The following NRXN1 variants were observed in gnomAD, a reference collection of about 807,000 sequenced individuals.
The protein encoded by NRXN1 is neurexin 1.
NRXN1 carries 39 observed loss-of-function variants against 150.9 expected under a neutral mutation model. That is an observed-to-expected ratio of 0.26 (90% CI 0.20 to 0.34). The LOEUF (loss-of-function observed/expected upper bound fraction) is 0.34, where lower values mean the gene tolerates loss of function less well. Among genes scored for constraint, NRXN1 ranks in the 10% least tolerant of loss-of-function variants. The pLI, the probability that NRXN1 is intolerant of heterozygous loss-of-function variation, is 1.00. For missense variants in NRXN1, 1,815 were observed against 1,949.9 expected (o/e 0.93, Z 1.30); for synonymous variants, 924 against 757.0 (o/e 1.22, Z -3.62).
chr2:50,387,373 T>C (rs947181340), intron 17 of NRXN1, among the ~76,000 whole-genome samples: 8 of 152,154 alleles, frequency 5.3e-5, no homozygotes, highest in African/African-American at 1.9e-4. Context: ...AATCCATTTC[T>C]AGTTAATTGT....
intron 10 of NRXN1, among the ~76,000 whole-genome samples, chr2:50,531,943 T>C (rs567484163): frequency 4.6e-4 from 70 of 152,118 alleles, no homozygotes; most frequent in Non-Finnish European, 8.2e-4. Flanking sequence ...CCTCCTGAGC[T>C]CAAGCAATCT....
intron 5 of NRXN1, among the ~76,000 whole-genome samples, chr2:50,702,972 A>G (rs1693961611): frequency 6.6e-6 from 1 of 152,088 alleles, no homozygotes; most frequent in Non-Finnish European, 1.5e-5. Flanking sequence ...TATAAACAAG[A>G]GACAGAAGTT....
At chr2:50,034,231 T>C (rs1277214352) in intron 21 of NRXN1, among the ~76,000 whole-genome samples, 1 of 151,962 alleles carries the variant, frequency 6.6e-6, no homozygotes, top group African/African-American at 2.4e-5. Context: ...AGCAAAGACA[T>C]GGAATCAACC....
At chr2:50,251,243 C>T (rs1313345992) in intron 17 of NRXN1, among the ~76,000 whole-genome samples, 1 of 152,038 alleles carries the variant, frequency 6.6e-6, no homozygotes, top group Non-Finnish European at 1.5e-5. Flanking sequence ...CATGTGTTCT[C>T]ATTGTTCAGC....
At chr2:50,566,900 G>A (rs150510975) in intron 8 of NRXN1, among the ~76,000 whole-genome samples, 7 of 152,108 alleles carry the variant, frequency 4.6e-5, no homozygotes, top group African/African-American at 1.2e-4. Flanking sequence ...CATGCCTTTC[G>A]TGTATAGAAG....
At chr2:50,577,651 C>T (rs1671638259) in intron 8 of NRXN1, among the ~76,000 whole-genome samples, 1 of 151,724 alleles carries the variant, frequency 6.6e-6, no homozygotes, top group African/African-American at 2.4e-5. Context: ...CAACTTGGGA[C>T]ATATATAAAG....
chr2:50,183,614 A>G (rs1314303915), intron 18 of NRXN1, among the ~76,000 whole-genome samples: 1 of 149,928 alleles, frequency 6.7e-6, no homozygotes, highest in African/African-American at 2.5e-5. Context: ...GGTAATGTGG[A>G]CCCTCCATGG....
chr2:50,498,016 C>A lies in NRXN1; in HGVS notation c.2498-302G>T, dbSNP rs13001104. On this transcript the variant is annotated intron_variant, in intron 13 of 22. Coordinates refer to ENST00000401669, the MANE Select transcript of NRXN1 (RefSeq NM_001330078.2). ...AAACAAATTAGCAAGAGAGTGAGCA[C>A]ATAGTAAAAGAAGGAGAGGGAGGAA... Among the ~76,000 whole-genome samples, 85,098 of 151,328 alleles carry A rather than the reference C, an allele frequency of 0.56. 25,457 individuals are homozygous for A. Among genetic ancestry groups the A allele is most frequent in the African/African-American group, 0.78 (32,293 of 41,250 alleles).
chr2:50,429,153 G>T (rs1346850935), intron 17 of NRXN1, among the ~76,000 whole-genome samples: 1 of 152,068 alleles, frequency 6.6e-6, no homozygotes, highest in Non-Finnish European at 1.5e-5. Flanking sequence ...AATAATGAGA[G>T]CATTTCACAG....
chr2:50,948,385 C>G (rs1690752226), intron 2 of NRXN1, among the ~76,000 whole-genome samples: 4 of 151,926 alleles, frequency 2.6e-5, no homozygotes, highest in Admixed American at 2.6e-4. Context: ...CCCTGGATGC[C>G]TTTTATAAGT....
intron 22 of NRXN1, among the ~76,000 whole-genome samples, chr2:49,926,615 T>C (rs1196887007): frequency 6.6e-6 from 1 of 152,106 alleles, no homozygotes; most frequent in Non-Finnish European, 1.5e-5. Context: ...CCTTGTCACA[T>C]AGAAAAAATA....
intron 5 of NRXN1, among the ~76,000 whole-genome samples, chr2:50,897,272 G>A (rs935686954): frequency 4.6e-5 from 7 of 152,252 alleles, no homozygotes; most frequent in Admixed American, 3.3e-4. Context: ...GCCAAACGTC[G>A]TACTGTGACT....
rs202110758 is a variant in NRXN1, at chr2:50,623,368, T to C, written c.1080A>G (p.Gly360=). 3 of 1,613,404 alleles carry C rather than the reference T, an allele frequency of 1.9e-6. No individual in the cohort carries two copies. Among genetic ancestry groups the C allele is most frequent in the Non-Finnish European group, 2.5e-6 (3 of 1,179,552 alleles). The part of the protein sequence containing the change: ...AFEALVEPVN[G]KFNDNAWHDV... ...CATGCCAGGCATTATCATTAAACTT[T>C]CCATTCACAGGCTCCACTAGTGCTT... Residue 360 remains glycine (G), a synonymous_variant, in exon 6 of 23, where the codon GGA becomes GGG. Transcript: ENST00000401669.
intron 2 of NRXN1, among the ~76,000 whole-genome samples, chr2:50,978,271 C>CATATATAT (rs10671122): frequency 0.022 from 2,100 of 94,634 alleles, 54 homozygotes; most frequent in African/African-American, 0.026. Flanking sequence ...GGATATTATA[C>CATATATAT]ATATATATAT....
At chr2:50,873,441 C>A (rs764571488) in intron 5 of NRXN1, among the ~76,000 whole-genome samples, 30 of 151,846 alleles carry the variant, frequency 2.0e-4, no homozygotes, top group South Asian at 8.3e-4. Flanking sequence ...ATAATAATAG[C>A]ATTTCTATGG....
chr2:50,219,975 AATATATATAT>A (rs2063739009), intron 18 of NRXN1, among the ~76,000 whole-genome samples: 5 of 25,734 alleles, frequency 1.9e-4, no homozygotes, highest in African/African-American at 1.4e-3. Flanking sequence ...ATATATATAT[AATATATATAT>A]TATATATAAT....
chr2:50,733,340 C>T (rs1231927831), intron 5 of NRXN1, among the ~76,000 whole-genome samples: 1 of 152,082 alleles, frequency 6.6e-6, no homozygotes, highest in Non-Finnish European at 1.5e-5. Context: ...TTATTGCTCA[C>T]ATCATAGCCT....
At chr2:50,370,675 AG>A (rs1222324994) in intron 17 of NRXN1, among the ~76,000 whole-genome samples, 2 of 151,964 alleles carry the variant, frequency 1.3e-5, no homozygotes, top group African/African-American at 4.8e-5. Flanking sequence ...TATGTTAAGG[AG>A]TAGAAAGGGA....
chr2:50,347,051 G>C lies in NRXN1; in HGVS notation c.3365-110081C>G, dbSNP rs2078053283. The C allele has an allele frequency of 1.5e-6, 2 of 1,379,168 alleles. No individual in the cohort carries two copies. Among genetic ancestry groups the C allele is most frequent in the African/African-American group, 3.0e-5 (2 of 66,928 alleles). The allele number at this position is 1,379,168 out of a possible 1,614,324, so 85.4% of individuals were successfully genotyped here. On this transcript the variant is annotated intron_variant, in intron 17 of 22. Coordinates refer to ENST00000401669, the MANE Select transcript of NRXN1 (RefSeq NM_001330078.2). The surrounding 1 kb of genome is among the most constrained non-coding windows in gnomAD (Gnocchi z 4.9). ...GCGGGCGGCGCGGAGTGGGCTGAGGGGCCGGCCGCCTCACCGCGCCAGGGC... is the reference window on the plus strand; with the variant it reads ...GCGGGCGGCGCGGAGTGGGCTGAGGCGCCGGCCGCCTCACCGCGCCAGGGC...
Sources: allele counts gnomAD v4.1 joint callset (sites outside exome capture counted in the v4.1 genomes callset), GRCh38; gene constraint gnomAD v4.1.1; non-coding constraint Gnocchi (gnomAD v3.1); transcripts MANE v1.5; gene names NCBI Gene and HGNC (gene_info 2026-07-23, HGNC 2026-07-21).